The following KCNQ4 variants were observed in gnomAD, a reference collection of about 807,000 sequenced individuals.
KCNQ4 encodes potassium voltage-gated channel subfamily KQT member 4.
Under a neutral mutation model 72.6 loss-of-function variants are expected in KCNQ4, and 31 were observed. The observed-to-expected ratio is 0.43, with a 90% CI of 0.32 to 0.58. KCNQ4 has a LOEUF of 0.58. Among genes scored for constraint, KCNQ4 ranks in the 20% least tolerant of loss-of-function variants. The pLI, the probability that KCNQ4 is intolerant of heterozygous loss-of-function variation, is 0.08. For missense variants in KCNQ4, 869 were observed against 962.6 expected (o/e 0.90, Z 1.29); for synonymous variants, 405 against 403.7 (o/e 1.00, Z -0.04).
intron 1 of KCNQ4, among the ~76,000 whole-genome samples, chr1:40,798,079 C>G (rs112073384): frequency 1.3e-5 from 2 of 152,232 alleles, no homozygotes; most frequent in African/African-American, 4.8e-5. Flanking sequence ...CAGCCAGCCC[C>G]AGCTCTGTCT....
At position 40,789,077 on chromosome 1, in the gene KCNQ4, C is replaced by A. The variant is rs933588281; in HGVS notation, c.314+4670C>A. Among the ~76,000 whole-genome samples the A allele has an allele frequency of 9.2e-5, 14 of 152,358 alleles. No individual in the cohort carries two copies. In the South Asian group the frequency reaches 1.5e-3, roughly 16 times the overall value. ...TGAGTTTTTGGCCTTCACCTATACA[C>A]AACTGCAGGGCTGCCCTTGCGGGTC... On this transcript the variant is annotated intron_variant, in intron 1 of 13. Coordinates refer to ENST00000347132, the MANE Select transcript of KCNQ4 (RefSeq NM_004700.4).
intron 9 of KCNQ4, among the ~76,000 whole-genome samples, chr1:40,830,238 C>T (rs1421822828): frequency 6.6e-6 from 1 of 152,168 alleles, no homozygotes; most frequent in African/African-American, 2.4e-5. Context: ...CAAATAGAGA[C>T]CCTCACTGAG....
intron 7 of KCNQ4, among the ~76,000 whole-genome samples, chr1:40,820,855 G>A (rs1197868396): frequency 6.6e-6 from 1 of 152,198 alleles, no homozygotes; most frequent in African/African-American, 2.4e-5. Flanking sequence ...TGTGGGCTGA[G>A]GCCAGGGCTC....
intron 1 of KCNQ4, among the ~76,000 whole-genome samples, chr1:40,800,848 G>C (rs6677093): frequency 0.45 from 67,772 of 152,058 alleles, 15,943 homozygotes; most frequent in African/African-American, 0.6. Context: ...GAATCCTAAC[G>C]AGGGGCTAAA....
intron 1 of KCNQ4, among the ~76,000 whole-genome samples, chr1:40,787,786 A>T (rs1647218293): frequency 6.6e-6 from 1 of 152,086 alleles, no homozygotes; most frequent in African/African-American, 2.4e-5. Flanking sequence ...CTCGTGGCCC[A>T]TCCTGCTCGC....
In KCNQ4 at chr1:40,789,026, G is replaced by A. The variant is rs551383960; in HGVS notation, c.314+4619G>A. 4.6e-5 allele frequency among the ~76,000 whole-genome samples: 7 copies of A among 152,330 alleles called. No homozygotes were observed. The South Asian group carries it at 1.4e-3, about 32-fold the overall frequency. On this transcript the variant is annotated intron_variant, in intron 1 of 13. Coordinates refer to ENST00000347132, the MANE Select transcript of KCNQ4 (RefSeq NM_004700.4). ...CCGTGGCTCCAGCCCAGACCCCTAG[G>A]ACAGAACAAAGCTTGCTCCTGTCCT...
rs1647179647 is a variant in KCNQ4, at chr1:40,784,054, A to G, written c.-40A>G. ...CGCCCCGAGCGCGCCCCCGCCCCGG[A>G]CCGTGCCCGGGCCCCGGCGCCCCCA... On this transcript the variant is annotated 5_prime_UTR_variant, in exon 1 of 14. Transcript: ENST00000347132. This position sits in a 1 kb window ranked among gnomAD's most constrained non-coding sequence, Gnocchi z 4.1. 1.2e-5 allele frequency: 2 copies of G among 166,092 alleles called. No homozygotes were observed. The highest frequency in any genetic ancestry group is 2.4e-5 in the Non-Finnish European group (2 of 84,566). 10.3% of individuals were successfully genotyped at this position (166,092 alleles called of 1,614,324 possible).
chr1:40,806,690 G>T (rs1232569996), intron 1 of KCNQ4, among the ~76,000 whole-genome samples: 1 of 72,620 alleles, frequency 1.4e-5, no homozygotes, highest in Non-Finnish European at 3.4e-5. Context: ...GACAGATATG[G>T]TAAGGAAAGA....
rs1420932759 is a variant in KCNQ4, at chr1:40,818,495, G to A, written c.533-10G>A. ...GGCTGGCTGTGATCTCGCCGCCCCC[G>A]CCCCTGCAGACTTCATCGTGTTCGT... On this transcript the variant is annotated splice_polypyrimidine_tract_variant and intron_variant, in intron 3 of 13. Coordinates refer to ENST00000347132, the MANE Select transcript of KCNQ4 (RefSeq NM_004700.4). The A allele has an allele frequency of 1.3e-6, 2 of 1,501,914 alleles. No homozygotes were observed. The highest frequency in any genetic ancestry group is 1.8e-5 in the Admixed American group (1 of 56,588). The allele number at this position is 1,501,914 out of a possible 1,614,324, so 93.0% of individuals were successfully genotyped here.
chr1:40,809,052 A>C (rs868132563), intron 1 of KCNQ4, among the ~76,000 whole-genome samples: 2 of 152,162 alleles, frequency 1.3e-5, no homozygotes, highest in South Asian at 4.2e-4. Context: ...TGTGTCACCA[A>C]ATCCAGAGGA....
rs1421240079 is a variant in KCNQ4 at position 40,835,002 on chromosome 1, A to G, written c.1649A>G (p.Lys550Arg). The change falls in exon 12 of 14, where the codon AAG becomes AGG. Residue 550 changes from lysine (K) to arginine (R), a missense_variant. Physicochemically the swap from Lys to Arg is conservative, Grantham distance 26. Around this residue, in one of 5 missense-constraint regions of KCNQ4, gnomAD observed 480 missense variants for 501.9 expected, o/e 0.96. Transcript: ENST00000347132. ...LKFLVAKRKF[K>R]ETLRPYDVKD... ...TTCCTGGTGGCCAAAAGGAAATTCA[A>G]GGAGACACTGCGACCGTACGACGTG... The G allele has an allele frequency of 8.1e-6, 13 of 1,614,004 alleles. No individual in the cohort carries two copies. Among genetic ancestry groups the G allele is most frequent in the Admixed American group, 3.3e-5 (2 of 60,024 alleles).
chr1:40,831,022 C>T lies in KCNQ4; in HGVS notation c.1293-62C>T, dbSNP rs1418036817. 4.9e-6 allele frequency: 7 copies of T among 1,430,344 alleles called. 1 individual carries two copies. Among genetic ancestry groups the T allele is most frequent in the Non-Finnish European group, 6.7e-6 (7 of 1,038,842 alleles). The allele number at this position is 1,430,344 out of a possible 1,614,324, so 88.6% of individuals were successfully genotyped here. On this transcript the variant is annotated intron_variant, in intron 9 of 13. Transcript: ENST00000347132. ...CCAAGTCCTAAGTCAGCTTTGTCCC[C>T]ACTCACCCCCACCCCCAGCTCTGGC... is the stretch of plus-strand genomic sequence containing the variant.
chr1:40,802,430 G>C (rs182489437), intron 1 of KCNQ4, among the ~76,000 whole-genome samples: 3,040 of 152,136 alleles, frequency 0.02, 41 homozygotes, highest in Non-Finnish European at 0.031. Flanking sequence ...GGAGGTAATC[G>C]GAGCCGCAGC....
At chr1:40,828,692 C>G (rs1193774052) in intron 9 of KCNQ4, among the ~76,000 whole-genome samples, 1 of 152,204 alleles carries the variant, frequency 6.6e-6, no homozygotes, top group Non-Finnish European at 1.5e-5. Context: ...ACTAAGGCAG[C>G]CTGATGGGAC....
At chr1:40,796,250 A>G (rs1204729027) in intron 1 of KCNQ4, among the ~76,000 whole-genome samples, 1 of 152,084 alleles carries the variant, frequency 6.6e-6, no homozygotes, top group African/African-American at 2.4e-5. Flanking sequence ...GCTAGCTTCT[A>G]GCAGTCACCT....
chr1:40,821,614 A>T (rs1648293809), intron 7 of KCNQ4, among the ~76,000 whole-genome samples: 1 of 152,174 alleles, frequency 6.6e-6, no homozygotes, highest in Non-Finnish European at 1.5e-5. Context: ...TAGTATTCCC[A>T]TGGGCAGTGA....
rs914212565 is a variant in KCNQ4 at position 40,788,999 on chromosome 1, G to A, written c.314+4592G>A. ...ACACTCACCATGGACACACACCCGGGCCCGTGGCTCCAGCCCAGACCCCTA... is the reference window on the plus strand; with the variant it reads ...ACACTCACCATGGACACACACCCGGACCCGTGGCTCCAGCCCAGACCCCTA... On this transcript the variant is annotated intron_variant, in intron 1 of 13. Coordinates refer to ENST00000347132, the MANE Select transcript of KCNQ4 (RefSeq NM_004700.4). This position sits in a 1 kb window ranked among gnomAD's most constrained non-coding sequence, Gnocchi z 4.5. Among the ~76,000 whole-genome samples the A allele has an allele frequency of 3.9e-5, 6 of 152,166 alleles. No homozygotes were observed. The highest frequency in any genetic ancestry group is 8.8e-5 in the Non-Finnish European group (6 of 68,030).
chr1:40,821,390 C>T (rs911264708), intron 7 of KCNQ4, among the ~76,000 whole-genome samples: 1 of 152,212 alleles, frequency 6.6e-6, no homozygotes, highest in African/African-American at 2.4e-5. Context: ...GCGTCCAGGG[C>T]CCAGCTCTGC....
At chr1:40,814,816 C>T (rs527344673) in intron 1 of KCNQ4, among the ~76,000 whole-genome samples, 43 of 152,258 alleles carry the variant, frequency 2.8e-4, no homozygotes, top group African/African-American at 1.0e-3. Flanking sequence ...ACTCTGGGTA[C>T]GTGTGTAAAA....
Sources: allele counts gnomAD v4.1 joint callset (sites outside exome capture counted in the v4.1 genomes callset), GRCh38; gene constraint gnomAD v4.1.1; regional missense constraint gnomAD v4.1.1; non-coding constraint Gnocchi (gnomAD v3.1); transcripts MANE v1.5; gene names NCBI Gene and HGNC (gene_info 2026-07-23, HGNC 2026-07-21).